The following DIAPH2 variants were observed in gnomAD, a reference collection of about 807,000 sequenced individuals.
DIAPH2 encodes diaphanous related formin 2.
Under a neutral mutation model 92.7 loss-of-function variants are expected in DIAPH2, and 35 were observed. The observed-to-expected ratio is 0.38, with a 90% confidence interval of 0.29 to 0.50. DIAPH2 has a LOEUF of 0.50. DIAPH2 is among the 20% of genes least tolerant of loss of function. DIAPH2 has a pLI of 0.94. For missense variants in DIAPH2, 701 were observed against 819.5 expected, an observed-to-expected ratio of 0.86 and a Z score of 1.77; for synonymous variants, 301 against 280.4, an observed-to-expected ratio of 1.07 and a Z score of -0.73.
chrX:97,086,759 G>T (rs1054840810), intron 19 of DIAPH2, among the ~76,000 whole-genome samples: 1 of 111,071 alleles, frequency 9.0e-6, no homozygotes, highest in Non-Finnish European at 1.9e-5. Flanking sequence ...CCCTTATTTC[G>T]CGGGAGGAGA....
At chrX:97,400,871 A>G (rs2069749867) in intron 25 of DIAPH2, among the ~76,000 whole-genome samples, 1 of 109,470 alleles carries the variant, frequency 9.1e-6, no homozygotes, top group Non-Finnish European at 1.9e-5. Flanking sequence ...GTTAATGTTC[A>G]TTTATACTTA....
At chrX:97,473,048 C>A (rs1157965097) in intron 26 of DIAPH2, among the ~76,000 whole-genome samples, 1 of 112,369 alleles carries the variant, frequency 8.9e-6, no homozygotes, top group African/African-American at 3.2e-5. Flanking sequence ...TCTAACTATT[C>A]CAGATCTCAT....
intron 26 of DIAPH2, among the ~76,000 whole-genome samples, chrX:97,589,299 C>G (rs1319308588): frequency 4.6e-4 from 35 of 75,829 alleles, no homozygotes; most frequent in Non-Finnish European, 8.0e-4. Flanking sequence ...CCTGCACGGC[C>G]GAGAGAGACT....
intron 17 of DIAPH2, among the ~76,000 whole-genome samples, chrX:97,042,092 AC>A (rs911413615): frequency 2.7e-5 from 3 of 111,866 alleles, no homozygotes; most frequent in African/African-American, 9.7e-5. Context: ...TTATAATAAT[AC>A]TTTTTTAACA....
chrX:97,537,936 G>C (rs1300458311), intron 26 of DIAPH2, among the ~76,000 whole-genome samples: 3 of 103,769 alleles, frequency 2.9e-5, no homozygotes, highest in Non-Finnish European at 5.9e-5. Context: ...CCAGGCTGGA[G>C]TGCAGTGGTG....
chrX:97,328,017 GT>G (rs1330186748), intron 23 of DIAPH2, among the ~76,000 whole-genome samples: 1 of 112,361 alleles, frequency 8.9e-6, no homozygotes, highest in Non-Finnish European at 1.9e-5. Flanking sequence ...GAAGCAACCA[GT>G]TTTTTTCTGT....
intron 5 of DIAPH2, among the ~76,000 whole-genome samples, chrX:96,888,607 A>G (rs1275513151): frequency 1.0e-5 from 1 of 98,796 alleles, no homozygotes; most frequent in African/African-American, 3.7e-5. Context: ...ATATATATCT[A>G]TATATATCTA....
At chrX:96,984,001 A>G (rs890485154) in intron 17 of DIAPH2, among the ~76,000 whole-genome samples, 2 of 111,634 alleles carry the variant, frequency 1.8e-5, no homozygotes, top group African/African-American at 3.2e-5. Flanking sequence ...TAGTGGTCTT[A>G]AGAGTTTGTT....
At chrX:96,758,113 G>T in intron 3 of DIAPH2, 41 bp from the exon 4 acceptor site, 1 of 1,088,003 alleles carries the variant, frequency 9.2e-7, no homozygotes, top group Non-Finnish European at 1.2e-6. Context: ...GCTCTTAAGT[G>T]GAAATTTATC....
intron 22 of DIAPH2, among the ~76,000 whole-genome samples, chrX:97,142,658 G>T (rs1349606965): frequency 8.9e-6 from 1 of 111,783 alleles, no homozygotes; most frequent in Non-Finnish European, 1.9e-5. Context: ...ATCTACTTTT[G>T]CAAGAGGTTG....
At chrX:96,901,532 G>GTTTTTTTTTTTTTTTTTTTTTTT (rs369526046) in intron 5 of DIAPH2, among the ~76,000 whole-genome samples, 2 of 33,083 alleles carry the variant, frequency 6.0e-5, no homozygotes, top group African/African-American at 1.0e-4. Context: ...TTTTCTTTCT[G>GTTTTTTTTTTTTTTTTTTTTTTT]TTTTTTTTTT....
rs1308220999 is a variant in DIAPH2, at chrX:97,069,624, C to T, written c.2051-3317C>T. ...ATGCTAAGCTAATTCATAGTAGGTG[C>T]TCAAGAAATATTTGGTAGATTAATG... is the stretch of plus-strand genomic sequence containing the variant. On this transcript the variant is annotated intron_variant, in intron 17 of 26. Transcript: ENST00000324765. 4.5e-5 allele frequency among the ~76,000 whole-genome samples: 5 copies of T among 111,446 alleles called. No homozygotes were observed. The East Asian group carries it at 1.4e-3, about 31-fold the overall frequency.
chrX:97,089,554 T>C (rs1393817685), intron 19 of DIAPH2, among the ~76,000 whole-genome samples: 1 of 111,239 alleles, frequency 9.0e-6, no homozygotes, highest in African/African-American at 3.3e-5. Flanking sequence ...TTGTCATATA[T>C]GCTACTTAAT....
At chrX:97,005,463 ATTAC>A (rs1362533690) in intron 17 of DIAPH2, among the ~76,000 whole-genome samples, 5 of 110,492 alleles carry the variant, frequency 4.5e-5, no homozygotes, top group African/African-American at 1.6e-4. Context: ...CTTCAGTCTC[ATTAC>A]TTGTTTATTG....
At chrX:96,829,001 T>C (rs1245359889) in intron 4 of DIAPH2, among the ~76,000 whole-genome samples, 1 of 112,426 alleles carries the variant, frequency 8.9e-6, no homozygotes, top group African/African-American at 3.2e-5. Flanking sequence ...AAATTTAGCA[T>C]GCTTTCCGAT....
chrX:97,063,199 C>A (rs2066611905), intron 17 of DIAPH2, among the ~76,000 whole-genome samples: 1 of 111,471 alleles, frequency 9.0e-6, no homozygotes, highest in South Asian at 3.7e-4. Context: ...CAGTTGGAAT[C>A]CAAATGGGGA....
intron 22 of DIAPH2, among the ~76,000 whole-genome samples, chrX:97,243,061 C>T (rs1041750427): frequency 9.0e-6 from 1 of 110,962 alleles, no homozygotes; most frequent in African/African-American, 3.3e-5. Context: ...GCTGGGATTA[C>T]AGGCTTGAGC....
intron 17 of DIAPH2, among the ~76,000 whole-genome samples, chrX:96,996,868 C>T (rs2066108437): frequency 8.9e-6 from 1 of 112,089 alleles, no homozygotes; most frequent in Non-Finnish European, 1.9e-5. Context: ...ACAGTTTGAT[C>T]TGTGAAATCA....
intron 20 of DIAPH2, among the ~76,000 whole-genome samples, chrX:97,103,171 T>C (rs140214705): frequency 2.2e-4 from 25 of 111,669 alleles, no homozygotes; most frequent in East Asian, 1.4e-3. Flanking sequence ...CTACTTTAGG[T>C]GGTAGTATCT....
Sources: gnomAD v4.1 joint callset for allele counts (sites outside exome capture counted in the v4.1 genomes callset) on GRCh38, gnomAD v4.1.1 for gene constraint, MANE v1.5 for transcripts, NCBI Gene and HGNC (gene_info 2026-07-23, HGNC 2026-07-21) for gene names.